Variants in TEF observed in about 807,000 individuals in gnomAD.
TEF encodes thyrotroph embryonic factor.
Under a neutral mutation model 20.8 loss-of-function variants are expected in TEF, and 3 were observed. The observed-to-expected ratio is 0.14, with a 90% CI of 0.07 to 0.37. The LOEUF is 0.37. Among genes scored for constraint, TEF ranks in the 10% least tolerant of loss-of-function variants. The pLI, the probability that TEF is intolerant of heterozygous loss-of-function variation, is 1.00. For missense variants in TEF, 296 were observed against 397.9 expected (o/e 0.74, Z 2.18); for synonymous variants, 180 against 171.1 (o/e 1.05, Z -0.41).
intron 1 of TEF, chr22:41,369,232 G>C (rs1195468836): frequency 1.0e-6 from 1 of 985,296 alleles, no homozygotes. Flanking sequence ...GCTGGTCTGT[G>C]GGGCCCTGCA....
chr22:41,387,888 C>T (rs1601821910), intron 2 of TEF, among the ~76,000 whole-genome samples: 1 of 149,526 alleles, frequency 6.7e-6, no homozygotes, highest in African/African-American at 2.5e-5. Flanking sequence ...TGGAACCCTT[C>T]TGTTGGTTGC....
chr22:41,382,222 C>A, intron 1 of TEF, 21 bp downstream of exon 1: 1 of 988,604 alleles, frequency 1.0e-6, no homozygotes. Context: ...GGGGGTGGTC[C>A]GCGCGGGCTG....
In TEF at chr22:41,387,349, A is replaced by C. The variant is rs755099318; in HGVS notation, c.158-2A>C. The C allele has an allele frequency of 1.2e-6, 2 of 1,613,966 alleles. No homozygotes were observed. The highest frequency in any genetic ancestry group is 1.1e-5 in the South Asian group (1 of 91,078). ...ATTTCATCGCAGATTTTGTTTCTGC[A>C]GATAAGGAAAAGGGGAAGGAAAAGC... On this transcript the variant is annotated splice_acceptor_variant, in intron 1 of 3. Coordinates refer to ENST00000266304, the MANE Select transcript of TEF (RefSeq NM_003216.4). LOFTEE classifies it high-confidence loss of function.
chr22:41,382,250 G>C (rs2037039295), intron 1 of TEF, 49 bp downstream of exon 1: 2 of 1,191,572 alleles, frequency 1.7e-6, no homozygotes, highest in African/African-American at 3.2e-5. Context: ...GGCTTATACA[G>C]GGGCGGGGCC....
At chr22:41,381,183 C>G (rs375597216), upstream of TEF, among the ~76,000 whole-genome samples, 21 of 152,390 alleles carry the variant, frequency 1.4e-4, no homozygotes, top group East Asian at 7.7e-4. Context: ...GTCGCGGTCC[C>G]CGGCCCTGCC....
intron 1 of TEF, chr22:41,369,225 G>C (rs554558938): frequency 2.0e-6 from 2 of 985,298 alleles, no homozygotes; most frequent in African/African-American, 3.5e-5. Context: ...GCTCCCAGCT[G>C]GTCTGTGGGG....
At chr22:41,393,942 G>T (rs1277186722) in intron 2 of TEF, among the ~76,000 whole-genome samples, 154 bp from the exon 3 acceptor site, 4 of 152,174 alleles carry the variant, frequency 2.6e-5, no homozygotes, top group African/African-American at 9.7e-5. Flanking sequence ...CCGTGTGCCA[G>T]TCTGGCTTAG....
rs568406195 is a variant in TEF at position 41,398,558 on chromosome 22, T to C, written c.*2598T>C. 1 of 153,756 alleles carries C rather than the reference T, an allele frequency of 6.5e-6. No individual in the cohort carries two copies. Among genetic ancestry groups the C allele is most frequent in the East Asian group, 1.9e-4 (1 of 5,186 alleles). 9.5% of individuals were successfully genotyped at this position (153,756 alleles called of 1,614,324 possible). On this transcript the variant is annotated 3_prime_UTR_variant, in exon 4 of 4. Coordinates refer to ENST00000266304, the MANE Select transcript of TEF (RefSeq NM_003216.4). ...TTTGCAAGAATATTCATATTATAAA[T>C]GTCTCATCTGATGGAGGAACGTGTG...
At chr22:41,391,151 T>C (rs1023276942) in intron 2 of TEF, among the ~76,000 whole-genome samples, 2 of 152,150 alleles carry the variant, frequency 1.3e-5, no homozygotes, top group South Asian at 4.1e-4. Flanking sequence ...ATACAATGAA[T>C]TTATGTGCAT....
At position 41,395,862 on chromosome 22, in the gene TEF, AAC is replaced by A; in HGVS notation, c.818_819del (p.Thr273SerfsTer24). ...CCGGGCAGCCTTCCTGGAGAAGGAG[AAC>A]ACAGCCCTGCGGACGGAGGTGGCCG... ...TIRAAFLEKE[N>X]TALRTEVAEL... On this transcript the variant is annotated frameshift_variant, in exon 4 of 4. Coordinates refer to ENST00000266304, the MANE Select transcript of TEF (RefSeq NM_003216.4). LOFTEE classifies it high-confidence loss of function. 1 of 1,614,194 alleles carries A rather than the reference AAC, an allele frequency of 6.2e-7. No homozygotes were observed. Among genetic ancestry groups the A allele is most frequent in the Non-Finnish European group, 8.5e-7 (1 of 1,180,014 alleles).
chr22:41,395,170 T>A (rs1046682292), intron 3 of TEF, among the ~76,000 whole-genome samples: 11 of 152,052 alleles, frequency 7.2e-5, no homozygotes, highest in African/African-American at 2.7e-4. Context: ...CCACGCCGGC[T>A]AATTTTTGTA....
Position 41,398,233 on chromosome 22 carries a change from A to C in TEF, c.*2273A>C, listed in dbSNP as rs1189775632. On this transcript the variant is annotated 3_prime_UTR_variant, in exon 4 of 4. Transcript: ENST00000266304. ...GTTGTCTCCTCTCCTGTCCTAAAAA[A>C]ATCCATGCTTGCAGGAGAGGGTTGG... The C allele has an allele frequency of 6.5e-6, 1 of 153,552 alleles. No individual in the cohort carries two copies. The highest frequency in any genetic ancestry group is 1.5e-5 in the Non-Finnish European group (1 of 68,042). 9.5% of individuals were successfully genotyped at this position (153,552 alleles called of 1,614,324 possible).
At chr22:41,388,674 T>C (rs145155068) in intron 2 of TEF, among the ~76,000 whole-genome samples, 15 of 152,058 alleles carry the variant, frequency 9.9e-5, no homozygotes, top group African/African-American at 3.6e-4. Context: ...ACATTTTATC[T>C]CTGGGGGTTT....
intron 1 of TEF, among the ~76,000 whole-genome samples, chr22:41,385,596 A>T (rs1181709230): frequency 2.6e-5 from 4 of 152,152 alleles, no homozygotes; most frequent in Non-Finnish European, 5.9e-5. Context: ...GCCCTTTCTA[A>T]GCTAAGGTAT....
intron 1 of TEF, among the ~76,000 whole-genome samples, chr22:41,385,805 C>T (rs562911926): frequency 3.3e-4 from 50 of 152,254 alleles, no homozygotes; most frequent in Admixed American, 9.2e-4. Flanking sequence ...CTGTCTCAGC[C>T]TCCTGAGTAG....
chr22:41,373,415 G>A (rs567085853), intron 1 of TEF, among the ~76,000 whole-genome samples: 1 of 152,226 alleles, frequency 6.6e-6, no homozygotes, highest in East Asian at 1.9e-4. Context: ...AAGCCTTACA[G>A]ATAACATCAA....
chr22:41,367,568 G>A, exon 1 of TEF: 17 of 1,551,402 alleles, frequency 1.1e-5, no homozygotes, highest in Non-Finnish European at 1.5e-5. Flanking sequence ...CCCTGCTGGA[G>A]CACTCTCTGC....
intron 1 of TEF, among the ~76,000 whole-genome samples, chr22:41,369,550 T>G (rs2036856339): frequency 6.6e-6 from 1 of 152,188 alleles, no homozygotes; most frequent in Admixed American, 6.5e-5. Context: ...TCACAATGAC[T>G]GCAGCACATT....
At position 41,397,954 on chromosome 22, in the gene TEF, T is replaced by TC. The variant is rs1376085624; in HGVS notation, c.*1996dup. The TC allele has an allele frequency of 1.3e-5, 2 of 152,330 alleles. No homozygotes were observed. Among genetic ancestry groups the TC allele is most frequent in the East Asian group, 3.9e-4 (2 of 5,184 alleles). 9.4% of individuals were successfully genotyped at this position (152,330 alleles called of 1,614,324 possible). ...AAGGATGGACACTAAATCTCTGGTG[T>TC]CCATGTTCCGAGCCCGGTGGCTGGG... On this transcript the variant is annotated 3_prime_UTR_variant, in exon 4 of 4. Transcript: ENST00000266304.
Sources: allele counts gnomAD v4.1 joint callset (sites outside exome capture counted in the v4.1 genomes callset), GRCh38; gene constraint gnomAD v4.1.1; transcripts MANE v1.5; gene names NCBI Gene and HGNC (gene_info 2026-07-23, HGNC 2026-07-21).